Variants in ZNF106 observed in about 807,000 individuals in gnomAD.
ZNF106 encodes SH3-domain binding protein 3.
ZNF106 carries 67 observed loss-of-function variants against 195.1 expected under a neutral mutation model. The ratio of observed to expected loss-of-function variants is 0.34; its 90% confidence interval spans 0.28 to 0.42. The LOEUF (loss-of-function observed/expected upper bound fraction) is 0.42, where lower values mean the gene tolerates loss of function less well. ZNF106 is among the 10% of genes least tolerant of loss of function. The probability of loss-of-function intolerance (pLI) is 1.00; values close to 1 mark genes in which losing one functional copy is unlikely to be tolerated. For synonymous variants in ZNF106, 784 were observed against 818.6 expected, an observed-to-expected ratio of 0.96 and a Z score of 0.72; for missense variants, 2,118 against 2,304.5, an observed-to-expected ratio of 0.92 and a Z score of 1.66.
chr15:42,451,967 C>G lies in ZNF106; in HGVS notation c.318-13G>C. The G allele has an allele frequency of 3.1e-6, 5 of 1,594,076 alleles. No homozygotes were observed. The highest frequency in any genetic ancestry group is 2.3e-5 in the South Asian group (2 of 88,306). ...AGGTTCATCTTGTCTGGAAGAAAAA[C>G]AGTTTTTCATTAGCGATTTAAAGGA... On this transcript the variant is annotated splice_polypyrimidine_tract_variant and intron_variant, in intron 4 of 21. Coordinates refer to ENST00000564754, the MANE Select transcript of ZNF106 (RefSeq NM_001366845.3).
In ZNF106 at chr15:42,439,563, A is replaced by T. The variant is rs750170981; in HGVS notation, c.4014T>A (p.Ser1338=). ...EACTSSFLRL[S]FASETPLEKE... is the part of the protein sequence containing the mutation. ...TCTCCAAAGGGGTTTCTGAAGCAAA[A>T]GACAATCTTAGAAAAGAACTGGTAC... is the stretch of plus-strand genomic sequence containing the variant. Residue 1338 remains serine, a synonymous_variant, in exon 11 of 22, where the codon TCT becomes TCA. Transcript: ENST00000564754. 3 of 1,614,188 alleles carry T rather than the reference A, an allele frequency of 1.9e-6. No individual in the cohort carries two copies. In the Admixed American group the frequency reaches 5.0e-5, roughly 27 times the overall value.
At chr15:42,464,499 A>G (rs1023760603) in intron 3 of ZNF106, among the ~76,000 whole-genome samples, 1 of 151,520 alleles carries the variant, frequency 6.6e-6, no homozygotes. Flanking sequence ...AATAGACCAA[A>G]GACATGGAAT....
intron 1 of ZNF106, among the ~76,000 whole-genome samples, chr15:42,484,991 T>G (rs1055228971): frequency 2.6e-5 from 4 of 151,726 alleles, no homozygotes; most frequent in Non-Finnish European, 5.9e-5. Flanking sequence ...AAACCCCGTT[T>G]CTACAAAAAA....
intron 7 of ZNF106, 78 bp from the exon 8 acceptor site, chr15:42,445,059 A>G: frequency 1.3e-6 from 2 of 1,517,102 alleles, no homozygotes; most frequent in Admixed American, 3.9e-5. Flanking sequence ...ACTAAACTAT[A>G]CCCATTATTT....
chr15:42,442,378 G>T lies in ZNF106; in HGVS notation c.3458C>A (p.Pro1153His), dbSNP rs201999113. Residue 1153 changes from proline to histidine, a missense_variant, in exon 10 of 22, where the codon CCC (proline) becomes CAC (histidine). Pro to His is a moderately conservative substitution (Grantham distance 77, BLOSUM62 -2). Coordinates refer to ENST00000564754, the MANE Select transcript of ZNF106 (RefSeq NM_001366845.3). Reference sequence around the variant, plus strand: ...CCTTCGTTCTCGTGTGAGGCTACAGGGAACCTGGTCTGGGTGCTCAGAAGG... The same window carrying T: ...CCTTCGTTCTCGTGTGAGGCTACAGTGAACCTGGTCTGGGTGCTCAGAAGG... ...YEPSEHPDQV[P>H]CSLTRERRNS... The T allele has an allele frequency of 1.9e-6, 3 of 1,613,976 alleles. No individual in the cohort carries two copies. In the African/African-American group the frequency reaches 4.0e-5, roughly 22 times the overall value.
chr15:42,438,883 G>A (rs1486366278), intron 11 of ZNF106, 150 bp downstream of exon 11: 12 of 966,738 alleles, frequency 1.2e-5, no homozygotes, highest in Non-Finnish European at 1.5e-5. Context: ...AATCTCTACT[G>A]CTGAGCTTTA....
At chr15:42,477,629 C>G (rs2141438192) in intron 1 of ZNF106, among the ~76,000 whole-genome samples, 1 of 152,300 alleles carries the variant, frequency 6.6e-6, no homozygotes, top group African/African-American at 2.4e-5. Context: ...TGGCTCATGC[C>G]TGTAATCCCA....
chr15:42,445,103 T>C (rs896074521), intron 7 of ZNF106, 122 bp from the exon 8 acceptor site: 55 of 1,173,310 alleles, frequency 4.7e-5, no homozygotes, highest in Admixed American at 1.9e-4. Context: ...CAGTAGGTCA[T>C]TGGAAATTCA....
At chr15:42,420,931 C>G in intron 20 of ZNF106, 130 bp downstream of exon 20, 1 of 779,378 alleles carries the variant, frequency 1.3e-6, no homozygotes, top group Non-Finnish European at 2.1e-6. Context: ...AACCTGTGAT[C>G]TACAGTGTAA....
intron 1 of ZNF106, among the ~76,000 whole-genome samples, chr15:42,488,369 T>C (rs1299783803): frequency 1.3e-5 from 2 of 152,164 alleles, no homozygotes; most frequent in Non-Finnish European, 2.9e-5. Context: ...ATTCATACAT[T>C]TATTTAACCA....
chr15:42,435,958 CTTT>C lies in ZNF106; in HGVS notation c.4747-443_4747-441del, dbSNP rs1216348787. ...AGGTCTAGTGGTTCTGGTGTTGTTT[CTTT>C]TTTTTTTTTTTTGACAGAGTCTCGC... is the stretch of plus-strand genomic sequence containing the variant. On this transcript the variant is annotated intron_variant, in intron 13 of 21. Coordinates refer to ENST00000564754, the MANE Select transcript of ZNF106 (RefSeq NM_001366845.3). Among the ~76,000 whole-genome samples, 5 of 140,540 alleles carry C rather than the reference CTTT, an allele frequency of 3.6e-5. No individual in the cohort carries two copies. The South Asian group carries it at 6.8e-4, about 19-fold the overall frequency. 92.2% of individuals were successfully genotyped at this position (140,540 alleles called of 152,430 possible).
Position 42,451,172 on chromosome 15 carries a change from T to G in ZNF106, c.1100A>C (p.Glu367Ala). ...GTAAGGCGTCCAGCGACGAGGCTTT[T>G]CCCTTGCCGCACTGCCATTCTTTCC... ...VSGKNGSAAREKPRRWTPYPS... is the reference protein window; with the variant it reads ...VSGKNGSAARAKPRRWTPYPS... The change falls in exon 5 of 22, where the codon GAA (glutamate) becomes GCA (alanine). Residue 367 changes from glutamate to alanine, a missense_variant. Coordinates refer to ENST00000564754, the MANE Select transcript of ZNF106 (RefSeq NM_001366845.3). 1 of 1,614,164 alleles carries G rather than the reference T, an allele frequency of 6.2e-7. No homozygotes were observed. The highest frequency in any genetic ancestry group is 2.2e-5 in the East Asian group (1 of 44,882).
At chr15:42,433,734 A>T (rs2055157213) in intron 14 of ZNF106, among the ~76,000 whole-genome samples, 1 of 152,096 alleles carries the variant, frequency 6.6e-6, no homozygotes, top group Non-Finnish European at 1.5e-5. Context: ...TCTTTGCATT[A>T]TTCTTTTAGT....
intron 3 of ZNF106, among the ~76,000 whole-genome samples, chr15:42,460,718 G>A (rs967541515): frequency 1.3e-5 from 2 of 152,056 alleles, no homozygotes; most frequent in Admixed American, 6.6e-5. Flanking sequence ...AAATTAGCCG[G>A]GTGTGGTGGC....
In ZNF106 at chr15:42,418,679, C is replaced by T. The variant is rs116003891; in HGVS notation, c.5518-728G>A. Among the ~76,000 whole-genome samples, 1,410 of 151,514 alleles carry T rather than the reference C, an allele frequency of 9.3e-3. 30 individuals are homozygous for T. The highest frequency in any genetic ancestry group is 0.033 in the African/African-American group (1,352 of 41,340). On this transcript the variant is annotated intron_variant, in intron 20 of 21. Coordinates refer to ENST00000564754, the MANE Select transcript of ZNF106 (RefSeq NM_001366845.3). ...CAGGCGTGAGCCACCGCACCCCGCC[C>T]GAAAGGGCTATTTTTAACAATTCTA...
At chr15:42,473,163 AT>A (rs1348054449) in intron 1 of ZNF106, among the ~76,000 whole-genome samples, 1 of 152,178 alleles carries the variant, frequency 6.6e-6, no homozygotes, top group Non-Finnish European at 1.5e-5. Flanking sequence ...AGCAGTTTAG[AT>A]TTGGAATGTT....
At chr15:42,472,164 T>C in intron 2 of ZNF106, 72 bp downstream of exon 2, 1 of 1,374,444 alleles carries the variant, frequency 7.3e-7, no homozygotes, top group Non-Finnish European at 9.8e-7. Context: ...TTAATATTAA[T>C]AACATCTATT....
chr15:42,443,475 A>G (rs908123709), intron 9 of ZNF106, among the ~76,000 whole-genome samples: 2 of 151,936 alleles, frequency 1.3e-5, no homozygotes, highest in South Asian at 2.1e-4. Context: ...CTATAAAAGC[A>G]TTTTTTAATT....
chr15:42,478,772 A>G (rs2056839202), intron 1 of ZNF106, among the ~76,000 whole-genome samples: 2 of 151,962 alleles, frequency 1.3e-5, no homozygotes, highest in Non-Finnish European at 1.5e-5. Flanking sequence ...TTGGCCTCTG[A>G]AAGTGCTGGG....
Sources: allele counts gnomAD v4.1 joint callset (sites outside exome capture counted in the v4.1 genomes callset), GRCh38; gene constraint gnomAD v4.1.1; transcripts MANE v1.5; gene names NCBI Gene and HGNC (gene_info 2026-07-23, HGNC 2026-07-21).